Variants in ABLIM2 observed in about 807,000 individuals in gnomAD.
ABLIM2 encodes actin binding LIM protein family member 2, also known as actin-binding LIM protein 2.
Under a neutral mutation model 97.7 loss-of-function variants are expected in ABLIM2, and 53 were observed. The observed-to-expected ratio is 0.54, with a 90% CI of 0.44 to 0.68. The LOEUF (loss-of-function observed/expected upper bound fraction) is 0.68. ABLIM2 is among the 30% of genes least tolerant of loss of function. ABLIM2 has a pLI of 0.00. For synonymous variants in ABLIM2, 361 were observed against 345.8 expected (o/e 1.04, Z -0.49); for missense variants, 835 against 867.2 (o/e 0.96, Z 0.47).
intron 16 of ABLIM2, among the ~76,000 whole-genome samples, chr4:7,994,768 C>G: frequency 8.9e-6 from 1 of 112,960 alleles, no homozygotes; most frequent in Non-Finnish European, 2.1e-5. Flanking sequence ...CTGTTGTTTC[C>G]TGACTTCATG....
At chr4:8,079,289 T>C (rs916614812) in intron 5 of ABLIM2, among the ~76,000 whole-genome samples, 25 of 152,178 alleles carry the variant, frequency 1.6e-4, no homozygotes, top group African/African-American at 5.3e-4. Context: ...AGATAACATC[T>C]CCATGGCAAC....
chr4:8,081,688 TC>T (rs901682106), intron 4 of ABLIM2, among the ~76,000 whole-genome samples: 7 of 152,144 alleles, frequency 4.6e-5, no homozygotes, highest in Admixed American at 1.3e-4. Flanking sequence ...ACCTGAGTCT[TC>T]CTGTGAGTCT....
At chr4:7,983,065 G>T (rs1177485786) in intron 20 of ABLIM2, among the ~76,000 whole-genome samples, 199 bp downstream of exon 20, 1 of 152,196 alleles carries the variant, frequency 6.6e-6, no homozygotes, top group African/African-American at 2.4e-5. Flanking sequence ...GGTCTTCTTT[G>T]CAAAGCCATC....
intron 10 of ABLIM2, 145 bp from the exon 11 acceptor site, chr4:8,029,921 C>T: frequency 8.6e-7 from 1 of 1,162,164 alleles, no homozygotes; most frequent in Non-Finnish European, 1.2e-6. Flanking sequence ...TCTCCTGCAC[C>T]TGTCAGGGCA....
intron 9 of ABLIM2, among the ~76,000 whole-genome samples, chr4:8,040,627 AAAG>A (rs1351361333): frequency 6.6e-6 from 1 of 151,906 alleles, no homozygotes; most frequent in Non-Finnish European, 1.5e-5. Context: ...AAAAAAAAGA[AAAG>A]AAAAGAAAAG....
At position 8,015,668 on chromosome 4, in the gene ABLIM2, C is replaced by A. The variant is rs1356468900; in HGVS notation, c.1423+3950G>T. ...GCTTTGGGTGGGCAGGAGTGACAGCCCCCACCTGCCGGACAAGTGGTGGGA... is the reference window on the plus strand; with the variant it reads ...GCTTTGGGTGGGCAGGAGTGACAGCACCCACCTGCCGGACAAGTGGTGGGA... On this transcript the variant is annotated intron_variant, in intron 14 of 20. Coordinates refer to ENST00000447017, the MANE Select transcript of ABLIM2 (RefSeq NM_001130083.2). This position sits in a 1 kb window ranked among gnomAD's most constrained non-coding sequence, Gnocchi z 4.6. Among the ~76,000 whole-genome samples the A allele has an allele frequency of 6.6e-6, 1 of 152,118 alleles. No homozygotes were observed. Among genetic ancestry groups the A allele is most frequent in the Non-Finnish European group, 1.5e-5 (1 of 68,036 alleles).
intron 8 of ABLIM2, among the ~76,000 whole-genome samples, chr4:8,052,938 CA>C (rs1796972293): frequency 6.6e-6 from 1 of 152,312 alleles, no homozygotes; most frequent in Admixed American, 6.5e-5. Flanking sequence ...AGTGGGAGGC[CA>C]GGGGTTGCTG....
rs567183754 is a variant in ABLIM2 at position 8,087,181 on chromosome 4, T to C, written c.454+988A>G. On this transcript the variant is annotated intron_variant, in intron 4 of 20. Transcript: ENST00000447017. The surrounding 1 kb of genome is among the most constrained non-coding windows in gnomAD (Gnocchi z 4.6). Reference sequence around the variant, plus strand: ...CCTCCTCTGTCTGGGGACACCCCAGTGACCACGGTGCTCAGAGTGGGCTTC... The same window carrying C: ...CCTCCTCTGTCTGGGGACACCCCAGCGACCACGGTGCTCAGAGTGGGCTTC... Among the ~76,000 whole-genome samples, 1 of 152,306 alleles carries C rather than the reference T, an allele frequency of 6.6e-6. No homozygotes were observed. The highest frequency in any genetic ancestry group is 2.1e-4 in the South Asian group (1 of 4,826).
rs1679255777 is a variant in ABLIM2, at chr4:8,023,867, G to A, written c.1268-3564C>T. Among the ~76,000 whole-genome samples the A allele has an allele frequency of 6.6e-6, 1 of 152,056 alleles. No individual in the cohort carries two copies. The highest frequency in any genetic ancestry group is 6.5e-5 in the Admixed American group (1 of 15,286). The stretch of plus-strand genomic sequence containing the variant: ...CATCCTTCATCGTGGTGCTCCCAGT[G>A]GCCCAGTGTGTGCCTGGTGCTGGCT... On this transcript the variant is annotated intron_variant, in intron 12 of 20. Transcript: ENST00000447017. The surrounding 1 kb of genome is among the most constrained non-coding windows in gnomAD (Gnocchi z 5.7).
At chr4:8,065,692 G>A (rs968467022) in intron 6 of ABLIM2, among the ~76,000 whole-genome samples, 2 of 152,132 alleles carry the variant, frequency 1.3e-5, no homozygotes, top group African/African-American at 4.8e-5. Flanking sequence ...GGAAGGCTAA[G>A]ATGGGCAGAT....
intron 20 of ABLIM2, among the ~76,000 whole-genome samples, chr4:7,981,747 A>T (rs1055958069): frequency 1.3e-5 from 2 of 152,142 alleles, no homozygotes; most frequent in African/African-American, 4.8e-5. Context: ...CCCTGGGCAA[A>T]GGGCTTTATG....
intron 1 of ABLIM2, among the ~76,000 whole-genome samples, chr4:8,142,191 G>A (rs1392984057): frequency 6.6e-6 from 1 of 152,214 alleles, no homozygotes; most frequent in African/African-American, 2.4e-5. Context: ...ACACTGTCCA[G>A]GTCTCCACAT....
chr4:8,158,542 A>C lies in ABLIM2; in HGVS notation c.10+138T>G, dbSNP rs545687120. ...CGCTCTGGCCCCTCGGGGCTGCAAA[A>C]TCCTGGAGCAAAAGTTGGGTGGAGC... On this transcript the variant is annotated intron_variant, in intron 1 of 20. Transcript: ENST00000447017. 1.1e-4 allele frequency: 130 copies of C among 1,147,848 alleles called. 1 individual carries two copies. The South Asian group carries it at 1.8e-3, about 16-fold the overall frequency. 71.1% of individuals were successfully genotyped at this position (1,147,848 alleles called of 1,614,324 possible).
rs755811122 is a variant in ABLIM2 at position 7,986,141 on chromosome 4, T to C, written c.1681-1248A>G. Among the ~76,000 whole-genome samples the C allele has an allele frequency of 1.3e-5, 2 of 152,182 alleles. No individual in the cohort carries two copies. The highest frequency in any genetic ancestry group is 2.9e-5 in the Non-Finnish European group (2 of 68,024). On this transcript the variant is annotated intron_variant, in intron 17 of 20. Transcript: ENST00000447017. The surrounding 1 kb of genome is among the most constrained non-coding windows in gnomAD (Gnocchi z 4.3). Reference sequence around the variant, plus strand: ...GGCTCTCGGCCAGTGCTGCTGAAACTGGGTACAGGGATCACATTTCAGCAG... The same window carrying C: ...GGCTCTCGGCCAGTGCTGCTGAAACCGGGTACAGGGATCACATTTCAGCAG...
chr4:8,055,641 A>G (rs772339651), intron 7 of ABLIM2, among the ~76,000 whole-genome samples: 7 of 152,188 alleles, frequency 4.6e-5, no homozygotes, highest in Non-Finnish European at 1.0e-4. Context: ...GTGTGCAATG[A>G]GGGAACTTAT....
chr4:8,091,899 TATATA>T (rs1440076452), intron 3 of ABLIM2, among the ~76,000 whole-genome samples: 2 of 106,920 alleles, frequency 1.9e-5, no homozygotes, highest in East Asian at 2.4e-4. Context: ...TAACATAATA[TATATA>T]ATATATTGTT....
chr4:8,088,629 C>A (rs1290095061), intron 3 of ABLIM2, among the ~76,000 whole-genome samples: 1 of 152,254 alleles, frequency 6.6e-6, no homozygotes, highest in Non-Finnish European at 1.5e-5. Flanking sequence ...GCCCACCCTG[C>A]CTTCCCAGTC....
intron 10 of ABLIM2, among the ~76,000 whole-genome samples, chr4:8,035,057 GGTGGGT>G (rs1783728750): frequency 2.6e-5 from 2 of 76,772 alleles, no homozygotes; most frequent in African/African-American, 8.4e-5. Context: ...GTGGTAGGTA[GGTGGGT>G]GCAGGTGAGT....
chr4:8,152,800 C>T (rs1448637436), intron 1 of ABLIM2, among the ~76,000 whole-genome samples: 1 of 152,188 alleles, frequency 6.6e-6, no homozygotes, highest in African/African-American at 2.4e-5. Context: ...ACGTGCCAGG[C>T]AGAGACTGGT....
Sources: gnomAD v4.1 joint callset for allele counts (sites outside exome capture counted in the v4.1 genomes callset) on GRCh38, gnomAD v4.1.1 for gene constraint, Gnocchi (gnomAD v3.1) non-coding constraint, MANE v1.5 for transcripts, NCBI Gene and HGNC (gene_info 2026-07-23, HGNC 2026-07-21) for gene names.